Variants in SSH1 observed in about 807,000 individuals in gnomAD.
The protein encoded by SSH1 is protein phosphatase Slingshot homolog 1.
SSH1 carries 43 observed loss-of-function variants against 79.7 expected under a neutral mutation model. The observed-to-expected ratio is 0.54, with a 90% CI of 0.42 to 0.70. The LOEUF (loss-of-function observed/expected upper bound fraction) is 0.70, where lower values mean the gene tolerates loss of function less well. SSH1 is among the 30% of genes least tolerant of loss of function. The pLI, the probability that SSH1 is intolerant of heterozygous loss-of-function variation, is 0.00. For missense variants in SSH1, 1,206 were observed against 1,358.8 expected (o/e 0.89, Z 1.77); for synonymous variants, 599 against 538.3 (o/e 1.11, Z -1.56).
intron 3 of SSH1, among the ~76,000 whole-genome samples, chr12:108,819,498 G>T (rs1402361505): frequency 6.6e-6 from 1 of 152,256 alleles, no homozygotes; most frequent in South Asian, 2.1e-4. Context: ...CTTTATATCT[G>T]CAAGGATTTC....
chr12:108,832,276 G>A (rs1446559096), intron 2 of SSH1, among the ~76,000 whole-genome samples: 2 of 151,994 alleles, frequency 1.3e-5, no homozygotes, highest in Non-Finnish European at 2.9e-5. Context: ...CAGCCTGGGA[G>A]ACAGAGGGAG....
chr12:108,798,938 G>A (rs1226487687), intron 13 of SSH1, 62 bp downstream of exon 13: 5 of 1,582,886 alleles, frequency 3.2e-6, no homozygotes, highest in African/African-American at 1.3e-5. Flanking sequence ...AGGCCTGGCT[G>A]GCTTGGCCAC....
intron 2 of SSH1, among the ~76,000 whole-genome samples, chr12:108,849,348 T>C (rs2038966361): frequency 1.3e-5 from 2 of 152,026 alleles, no homozygotes; most frequent in Admixed American, 1.3e-4. Flanking sequence ...AGCCCAAGAG[T>C]TTGAGACCAG....
intron 2 of SSH1, among the ~76,000 whole-genome samples, chr12:108,851,430 T>A (rs1158482058): frequency 1.3e-5 from 2 of 152,206 alleles, no homozygotes; most frequent in Non-Finnish European, 2.9e-5. Flanking sequence ...TTAATTTTCC[T>A]TCCCCTCATG....
chr12:108,798,319 C>T (rs2036839049), intron 13 of SSH1, among the ~76,000 whole-genome samples: 1 of 152,100 alleles, frequency 6.6e-6, no homozygotes, highest in African/African-American at 2.4e-5. Context: ...TGGGCCACCA[C>T]ACCTGACCTC....
In SSH1 at chr12:108,787,660, G is replaced by C. The variant is rs546312333; in HGVS notation, c.*328C>G. On this transcript the variant is annotated 3_prime_UTR_variant, in exon 15 of 15. Coordinates refer to ENST00000326495, the MANE Select transcript of SSH1 (RefSeq NM_018984.4). ...CCACCAGGACTCTTCTGCAGGATGC[G>C]AAGGGAACAGTCTGGATGTGTGCGC... is the stretch of plus-strand genomic sequence containing the variant. 1 of 359,812 alleles carries C rather than the reference G, an allele frequency of 2.8e-6. No individual in the cohort carries two copies. The highest frequency in any genetic ancestry group is 4.2e-5 in the Admixed American group (1 of 23,644). 22.3% of individuals were successfully genotyped at this position (359,812 alleles called of 1,614,324 possible).
chr12:108,807,085 C>T lies in SSH1; in HGVS notation c.731+548G>A, dbSNP rs540546185. Among the ~76,000 whole-genome samples the T allele has an allele frequency of 3.3e-5, 5 of 152,318 alleles. No homozygotes were observed. The highest frequency in any genetic ancestry group is 1.2e-4 in the African/African-American group (5 of 41,582). On this transcript the variant is annotated intron_variant, in intron 8 of 14. Transcript: ENST00000326495. This position sits in a 1 kb window ranked among gnomAD's most constrained non-coding sequence, Gnocchi z 5.2. ...CGAGGGGAGGGGCGACCAGCATTCT[C>T]CCTAACTAGACTTCAGCGAGTGTGG...
chr12:108,794,190 A>T (rs2036640965), intron 13 of SSH1, among the ~76,000 whole-genome samples: 2 of 152,180 alleles, frequency 1.3e-5, no homozygotes, highest in Middle Eastern at 3.2e-3. Context: ...CACCAGACTG[A>T]TATCTCCCAG....
chr12:108,818,392 G>C, intron 3 of SSH1, 79 bp from the exon 4 acceptor site: 1 of 1,308,412 alleles, frequency 7.6e-7, no homozygotes, highest in Non-Finnish European at 1.1e-6. Flanking sequence ...GGCTGACTTT[G>C]AGGGCTTGGA....
chr12:108,835,297 C>T (rs561143866), intron 2 of SSH1, among the ~76,000 whole-genome samples: 1 of 152,250 alleles, frequency 6.6e-6, no homozygotes, highest in Non-Finnish European at 1.5e-5. Flanking sequence ...CTCAATTAGC[C>T]GAGCGTGGTG....
intron 5 of SSH1, among the ~76,000 whole-genome samples, chr12:108,813,477 G>A (rs1426399671): frequency 2.0e-5 from 3 of 151,958 alleles, no homozygotes; most frequent in East Asian, 3.9e-4. Context: ...ACTTTGGGAG[G>A]TGGAGACAAG....
At chr12:108,846,707 G>C (rs2038906368) in intron 2 of SSH1, among the ~76,000 whole-genome samples, 1 of 152,200 alleles carries the variant, frequency 6.6e-6, no homozygotes, top group Admixed American at 6.5e-5. Flanking sequence ...TAGGAATGTA[G>C]CCGGGTAAAG....
intron 10 of SSH1, among the ~76,000 whole-genome samples, chr12:108,803,488 AG>A (rs138294367): frequency 0.29 from 44,316 of 152,038 alleles, 6,691 homozygotes; most frequent in South Asian, 0.43. Context: ...AGTTCCCAAG[AG>A]GGCAGACCCC....
intron 2 of SSH1, among the ~76,000 whole-genome samples, chr12:108,838,871 C>T (rs1471309796): frequency 6.6e-6 from 1 of 152,320 alleles, no homozygotes; most frequent in East Asian, 1.9e-4. Context: ...AAAGTCAGAT[C>T]TGTGGCCAAA....
At chr12:108,814,899 C>T (rs1158134682) in intron 5 of SSH1, among the ~76,000 whole-genome samples, 1 of 151,994 alleles carries the variant, frequency 6.6e-6, no homozygotes, top group Non-Finnish European at 1.5e-5. Flanking sequence ...CAGTCTCCTC[C>T]AGCCAGGCAG....
chr12:108,807,779 G>A lies in SSH1; in HGVS notation c.585C>T (p.His195=). ...LHKACEVARR[H]NYFPGGVALI... is the part of the protein sequence containing the mutation. ...GAGCTACACCCCCGGGGAAGTAGTTGTGCCTCCGGGCCACTTCGCAGGCCT... is the reference window on the plus strand; with the variant it reads ...GAGCTACACCCCCGGGGAAGTAGTTATGCCTCCGGGCCACTTCGCAGGCCT... Residue 195 remains histidine (H), a synonymous_variant, in exon 8 of 15, where the codon CAC becomes CAT. Transcript: ENST00000326495. The surrounding 1 kb of genome is among the most constrained non-coding windows in gnomAD (Gnocchi z 5.2). 2 of 1,613,926 alleles carry A rather than the reference G, an allele frequency of 1.2e-6. No individual in the cohort carries two copies. Among genetic ancestry groups the A allele is most frequent in the Non-Finnish European group, 8.5e-7 (1 of 1,179,928 alleles).
At position 108,799,090 on chromosome 12, in the gene SSH1, T is replaced by C. The variant is rs1335679635; in HGVS notation, c.1259A>G (p.Tyr420Cys). Reference sequence around the variant, plus strand: ...GCTGCGCTTCTGCTTTACATAGTTATATGCTTTTTCCAGAGGCCAGCCGAA... The same window carrying C: ...GCTGCGCTTCTGCTTTACATAGTTACATGCTTTTTCCAGAGGCCAGCCGAA... Reference protein sequence around the residue: ...KEFGWPLEKAYNYVKQKRSIT... With the variant: ...KEFGWPLEKACNYVKQKRSIT... The change falls in exon 13 of 15, where the codon TAT becomes TGT. Residue 420 changes from tyrosine (Y) to cysteine (C), a missense_variant. This residue lies in a region of SSH1 where 166 missense variants were observed against 262.9 expected (regional missense o/e 0.63). Transcript: ENST00000326495. The C allele has an allele frequency of 1.9e-6, 3 of 1,614,236 alleles. No homozygotes were observed. The highest frequency in any genetic ancestry group is 2.2e-5 in the East Asian group (1 of 44,890).
At chr12:108,836,153 T>C (rs1045943916) in intron 2 of SSH1, among the ~76,000 whole-genome samples, 10 of 151,410 alleles carry the variant, frequency 6.6e-5, no homozygotes, top group African/African-American at 2.4e-4. Context: ...ATGGGAGTCA[T>C]GAATATGGAG....
In SSH1 at chr12:108,802,244, G is replaced by A. The variant is rs986144502; in HGVS notation, c.1001+78C>T. 6 of 1,384,988 alleles carry A rather than the reference G, an allele frequency of 4.3e-6. No individual in the cohort carries two copies. In the African/African-American group the frequency reaches 8.5e-5, roughly 20 times the overall value. 85.8% of individuals were successfully genotyped at this position (1,384,988 alleles called of 1,614,324 possible). On this transcript the variant is annotated intron_variant, in intron 11 of 14. Transcript: ENST00000326495. ...GGCAATTACAGGCAGGCAGCCCCAA[G>A]GTCTCCCCCTCCATGGCAGAGTGGA...
Sources: allele counts gnomAD v4.1 joint callset (sites outside exome capture counted in the v4.1 genomes callset), GRCh38; gene constraint gnomAD v4.1.1; regional missense constraint gnomAD v4.1.1; non-coding constraint Gnocchi (gnomAD v3.1); transcripts MANE v1.5; gene names NCBI Gene and HGNC (gene_info 2026-07-23, HGNC 2026-07-21).